INTS7: variants seen among roughly 807,000 people sequenced by gnomAD.
The protein encoded by INTS7 is integrator complex subunit 7, also known as chromosome 1 open reading frame 73.
Under a neutral mutation model 109.2 loss-of-function variants are expected in INTS7, and 46 were observed. The observed-to-expected ratio is 0.42, with a 90% CI of 0.33 to 0.54. The LOEUF is 0.54. INTS7 is among the 20% of genes least tolerant of loss of function. The probability of loss-of-function intolerance (pLI) is 0.07; values close to 1 mark genes in which losing one functional copy is unlikely to be tolerated. For synonymous variants in INTS7, 412 were observed against 402.9 expected (o/e 1.02, Z -0.27); for missense variants, 929 against 1,132.4 (o/e 0.82, Z 2.58).
At chr1:211,983,761 G>C (rs1376639482) in intron 8 of INTS7, among the ~76,000 whole-genome samples, 1 of 152,154 alleles carries the variant, frequency 6.6e-6, no homozygotes, top group Admixed American at 6.6e-5. Context: ...GTGGTGACAT[G>C]GGACCTATGG....
chr1:211,982,642 G>A, intron 9 of INTS7, 34 bp downstream of exon 9: 1 of 1,518,136 alleles, frequency 6.6e-7, no homozygotes, highest in Non-Finnish European at 8.9e-7. Context: ...CTAAACCAAA[G>A]TTTATACGTA....
chr1:212,001,936 T>C (rs1442668988), intron 7 of INTS7, among the ~76,000 whole-genome samples: 3 of 152,342 alleles, frequency 2.0e-5, no homozygotes, highest in East Asian at 1.9e-4. Flanking sequence ...TCAAATACCA[T>C]CTATAAACTG....
At chr1:211,958,513 T>A (rs1663466664) in intron 16 of INTS7, among the ~76,000 whole-genome samples, 2 of 152,210 alleles carry the variant, frequency 1.3e-5, no homozygotes, top group East Asian at 3.8e-4. Flanking sequence ...TAATTTTATG[T>A]TTTCCCTGCT....
At chr1:212,014,842 G>T (rs1666338262) in intron 4 of INTS7, among the ~76,000 whole-genome samples, 1 of 152,232 alleles carries the variant, frequency 6.6e-6, no homozygotes, top group African/African-American at 2.4e-5. Flanking sequence ...CGCTCACTCA[G>T]TGCTCAATCT....
chr1:211,977,192 T>C (rs1442965653), intron 11 of INTS7, among the ~76,000 whole-genome samples: 1 of 152,184 alleles, frequency 6.6e-6, no homozygotes, highest in East Asian at 1.9e-4. Context: ...TTCAGGATAG[T>C]GGTTACCTGA....
chr1:211,989,577 T>A (rs1571880547), intron 7 of INTS7, among the ~76,000 whole-genome samples: 1 of 152,034 alleles, frequency 6.6e-6, no homozygotes, highest in East Asian at 1.9e-4. Context: ...ATCCCAACAC[T>A]TTGGGAGGCC....
At chr1:212,027,833 C>CT (rs66579625) in intron 1 of INTS7, among the ~76,000 whole-genome samples, 80,811 of 150,002 alleles carry the variant, frequency 0.54, 21,898 homozygotes, top group Middle Eastern at 0.59. Context: ...ATCGAGATTC[C>CT]TTTTTTTTTT....
chr1:212,009,414 A>G lies in INTS7; in HGVS notation c.556+1961T>C, dbSNP rs573088983. On this transcript the variant is annotated intron_variant, in intron 5 of 19. Transcript: ENST00000366994. ...GCTTTCATCAACTCCCTTGCTATCT[A>G]CCCTTTGTTTGGGTTTAACCAATGG... is the stretch of plus-strand genomic sequence containing the variant. 1.2e-4 allele frequency among the ~76,000 whole-genome samples: 19 copies of G among 152,214 alleles called. No homozygotes were observed. The South Asian group carries it at 3.1e-3, about 25-fold the overall frequency.
intron 10 of INTS7, 72 bp downstream of exon 10, chr1:211,981,021 G>T: frequency 1.2e-6 from 1 of 816,446 alleles, no homozygotes; most frequent in Non-Finnish European, 2.0e-6. Context: ...AGCTATGTCT[G>T]CTTAACTTTG....
intron 5 of INTS7, 77 bp from the exon 6 acceptor site, chr1:212,007,526 AT>A: frequency 9.0e-7 from 1 of 1,107,962 alleles, no homozygotes. Flanking sequence ...GCTGTGACTC[AT>A]TTAGCAAAAT....
intron 16 of INTS7, among the ~76,000 whole-genome samples, chr1:211,956,929 T>G (rs961120548): frequency 6.6e-6 from 1 of 152,226 alleles, no homozygotes; most frequent in African/African-American, 2.4e-5. Flanking sequence ...TTCATTTCTC[T>G]TCGGTAGAAC....
At chr1:211,962,617 C>G (rs1472217684) in intron 16 of INTS7, among the ~76,000 whole-genome samples, 1 of 152,144 alleles carries the variant, frequency 6.6e-6, no homozygotes, top group Non-Finnish European at 1.5e-5. Context: ...CTAAAATCAG[C>G]CACACAGTTG....
intron 7 of INTS7, among the ~76,000 whole-genome samples, chr1:212,000,994 TA>T (rs2102459126): frequency 6.6e-6 from 1 of 150,586 alleles, no homozygotes; most frequent in Non-Finnish European, 1.5e-5. Context: ...CCTCCGAGGA[TA>T]AAAACAAACA....
At position 212,016,876 on chromosome 1, in the gene INTS7, G is replaced by GT. The variant is rs1558055906; in HGVS notation, c.509+9dup. The GT allele has an allele frequency of 6.3e-7, 1 of 1,584,756 alleles. No homozygotes were observed. On this transcript the variant is annotated intron_variant, in intron 4 of 19. Coordinates refer to ENST00000366994, the MANE Select transcript of INTS7 (RefSeq NM_015434.4). Reference sequence around the variant, plus strand: ...AAATTACTAAAAGGGATGTACTTTTGTAAGCTTACTTTGACTGTGCAGAGA... The same window carrying GT: ...AAATTACTAAAAGGGATGTACTTTTGTTAAGCTTACTTTGACTGTGCAGAGA...
intron 16 of INTS7, among the ~76,000 whole-genome samples, chr1:211,965,859 T>C (rs577265058): frequency 6.6e-6 from 1 of 152,198 alleles, no homozygotes; most frequent in African/African-American, 2.4e-5. Flanking sequence ...TAAAATCTGG[T>C]CAATGAAATC....
chr1:211,975,433 T>TTTTCC (rs773615236), intron 12 of INTS7, 61 bp from the exon 13 acceptor site: 214 of 1,248,304 alleles, frequency 1.7e-4, no homozygotes, highest in Non-Finnish European at 2.4e-4. Flanking sequence ...GTTCTTACAT[T>TTTTCC]TGAAAGAGTT....
At chr1:212,001,903 T>C (rs952316993) in intron 7 of INTS7, among the ~76,000 whole-genome samples, 1 of 152,242 alleles carries the variant, frequency 6.6e-6, no homozygotes, top group Non-Finnish European at 1.5e-5. Flanking sequence ...GTCTCCCTAG[T>C]TGAGTCATCC....
Position 211,968,613 on chromosome 1 carries a change from G to A in INTS7, c.1910C>T (p.Thr637Ile), listed in dbSNP as rs998434306. 2 of 1,613,472 alleles carry A rather than the reference G, an allele frequency of 1.2e-6. No homozygotes were observed. The highest frequency in any genetic ancestry group is 2.7e-5 in the African/African-American group (2 of 74,758). ...LLQAFSQLIC[T>I]CNSLKTSPPP... Reference sequence around the variant, plus strand: ...TGGGCTTGTCTTCAGGCTATTACAAGTACAGATAAGTTGAGAGAAGGCTTG... The same window carrying A: ...TGGGCTTGTCTTCAGGCTATTACAAATACAGATAAGTTGAGAGAAGGCTTG... The change falls in exon 14 of 20, where the codon ACT (threonine) becomes ATT (isoleucine). Residue 637 changes from threonine (T) to isoleucine (I), a missense_variant. Coordinates refer to ENST00000366994, the MANE Select transcript of INTS7 (RefSeq NM_015434.4).
intron 3 of INTS7, 116 bp downstream of exon 3, chr1:212,020,006 A>C: frequency 1.4e-6 from 1 of 726,346 alleles, no homozygotes; most frequent in South Asian, 3.4e-5. Flanking sequence ...ACTCTTAGTC[A>C]AAAAAACATA....
Sources: allele counts gnomAD v4.1 joint callset (sites outside exome capture counted in the v4.1 genomes callset), GRCh38; gene constraint gnomAD v4.1.1; transcripts MANE v1.5; gene names NCBI Gene and HGNC (gene_info 2026-07-23, HGNC 2026-07-21).